NRG2: variants seen among roughly 807,000 people sequenced by gnomAD.
NRG2 encodes the protein neuregulin 2.
A neutral mutation model predicts 73.9 loss-of-function variants in NRG2; 27 were observed. The observed-to-expected ratio is 0.37, with a 90% CI of 0.27 to 0.50. The LOEUF is 0.50. Ranked by LOEUF, NRG2 falls within the 20% of genes least tolerant of loss-of-function variation. NRG2 has a pLI of 0.96. For synonymous variants in NRG2, 532 were observed against 541.0 expected, an observed-to-expected ratio of 0.98 and a Z score of 0.23; for missense variants, 1,126 against 1,210.1, an observed-to-expected ratio of 0.93 and a Z score of 1.03.
At chr5:139,860,607 C>T (rs2127032102) in intron 5 of NRG2, among the ~76,000 whole-genome samples, 1 of 152,236 alleles carries the variant, frequency 6.6e-6, no homozygotes, top group African/African-American at 2.4e-5. Flanking sequence ...GGTGCCTGAG[C>T]CTGATTTCAC....
chr5:139,936,733 T>A (rs962524729), intron 1 of NRG2, among the ~76,000 whole-genome samples: 6 of 152,188 alleles, frequency 3.9e-5, no homozygotes, highest in Non-Finnish European at 8.8e-5. Context: ...ATATTCCTCA[T>A]GAATTCCTCA....
intron 1 of NRG2, among the ~76,000 whole-genome samples, chr5:139,990,180 T>C (rs1297326065): frequency 6.6e-6 from 1 of 152,176 alleles, no homozygotes; most frequent in Non-Finnish European, 1.5e-5. Context: ...GTTGGATATA[T>C]ATCTAGGCAT....
At chr5:140,010,502 A>G (rs1759277490) in intron 1 of NRG2, among the ~76,000 whole-genome samples, 1 of 152,144 alleles carries the variant, frequency 6.6e-6, no homozygotes, top group Admixed American at 6.5e-5. Flanking sequence ...AACAACAACA[A>G]TTGATAATTG....
At chr5:140,006,184 T>A (rs889384218) in intron 1 of NRG2, among the ~76,000 whole-genome samples, 1 of 152,236 alleles carries the variant, frequency 6.6e-6, no homozygotes, top group Non-Finnish European at 1.5e-5. Context: ...TCAGTACATG[T>A]TCTGCCCAGC....
intron 1 of NRG2, among the ~76,000 whole-genome samples, chr5:139,953,309 G>C (rs992518895): frequency 6.6e-6 from 1 of 152,196 alleles, no homozygotes; most frequent in African/African-American, 2.4e-5. Flanking sequence ...CTGGGGAAGG[G>C]GGTCCTGAGT....
chr5:140,034,867 C>T (rs1455040240), intron 1 of NRG2, among the ~76,000 whole-genome samples: 1 of 152,116 alleles, frequency 6.6e-6, no homozygotes, highest in East Asian at 1.9e-4. Context: ...TAACCTAAGC[C>T]TTCAAATACT....
chr5:139,904,189 G>C lies in NRG2; in HGVS notation c.701-16678C>G, dbSNP rs1424801063. ...GCAGGCACGCGCGCCCTCGGTGCCT[G>C]TCACCGCGGCGGCCGCTAGCGCAGC... is the stretch of plus-strand genomic sequence containing the variant. On this transcript the variant is annotated intron_variant, in intron 1 of 9. Transcript: ENST00000361474. The surrounding 1 kb of genome is among the most constrained non-coding windows in gnomAD (Gnocchi z 6.0). 3.0e-5 allele frequency: 33 copies of C among 1,090,028 alleles called. No individual in the cohort carries two copies. The highest frequency in any genetic ancestry group is 3.2e-5 in the East Asian group (1 of 31,022). The allele number at this position is 1,090,028 out of a possible 1,614,324, so 67.5% of individuals were successfully genotyped here. A position where few individuals can be genotyped will look rare whatever the true frequency, so the allele number is the denominator to read the frequency against.
At chr5:139,917,254 T>C (rs73271463) in intron 1 of NRG2, among the ~76,000 whole-genome samples, 1 of 151,976 alleles carries the variant, frequency 6.6e-6, no homozygotes, top group Non-Finnish European at 1.5e-5. Context: ...TTTTGTTTCA[T>C]TTTTTTTGTT....
chr5:139,996,085 G>A (rs907657214), intron 1 of NRG2, among the ~76,000 whole-genome samples: 1 of 152,126 alleles, frequency 6.6e-6, no homozygotes, highest in Non-Finnish European at 1.5e-5. Context: ...ATCCTCAAAT[G>A]AATAAGCACA....
intron 1 of NRG2, among the ~76,000 whole-genome samples, chr5:139,931,970 A>G (rs889786240): frequency 6.6e-6 from 1 of 152,242 alleles, no homozygotes; most frequent in Non-Finnish European, 1.5e-5. Flanking sequence ...GAAGGGAACC[A>G]TTGTACAAAG....
intron 1 of NRG2, among the ~76,000 whole-genome samples, chr5:140,001,530 T>A (rs76494843): frequency 2.1e-4 from 32 of 152,248 alleles, no homozygotes; most frequent in East Asian, 1.5e-3. Context: ...TACAAATAAT[T>A]ATTGAGTACC....
chr5:139,976,717 C>A (rs1756408390), intron 1 of NRG2, among the ~76,000 whole-genome samples: 1 of 152,356 alleles, frequency 6.6e-6, no homozygotes, highest in African/African-American at 2.4e-5. Context: ...AAAACACCAC[C>A]AGTTTCCTGA....
At chr5:139,928,767 C>G (rs1039715473) in intron 1 of NRG2, among the ~76,000 whole-genome samples, 1 of 152,202 alleles carries the variant, frequency 6.6e-6, no homozygotes, top group Admixed American at 6.5e-5. Context: ...TCCTCTGGCT[C>G]TTGACTTTCT....
rs373446102 is a variant in NRG2, at chr5:139,865,003, C to A, written c.1189+546G>T. On this transcript the variant is annotated intron_variant, in intron 5 of 9. Transcript: ENST00000361474. This position sits in a 1 kb window ranked among gnomAD's most constrained non-coding sequence, Gnocchi z 5.2. ...GGGTGTTTCCGTCTCCTCTAAGGAGCGCAGGACACCCTCTACATCTCCCCC... is the reference window on the plus strand; with the variant it reads ...GGGTGTTTCCGTCTCCTCTAAGGAGAGCAGGACACCCTCTACATCTCCCCC... 4.4e-6 allele frequency: 4 copies of A among 915,708 alleles called. No homozygotes were observed. In the African/African-American group the frequency reaches 6.5e-5, roughly 15 times the overall value. The allele number at this position is 915,708 out of a possible 1,614,324, so 56.7% of individuals were successfully genotyped here. A position where few individuals can be genotyped will look rare whatever the true frequency, so the allele number is the denominator to read the frequency against.
At chr5:139,919,383 G>T (rs1751499406) in intron 1 of NRG2, among the ~76,000 whole-genome samples, 1 of 152,052 alleles carries the variant, frequency 6.6e-6, no homozygotes, top group African/African-American at 2.4e-5. Flanking sequence ...AGAGGAGGTG[G>T]CAAGATGAGA....
Position 139,947,460 on chromosome 5 carries a change from T to C in NRG2, c.701-59949A>G, listed in dbSNP as rs1055489714. On this transcript the variant is annotated intron_variant, in intron 1 of 9. Coordinates refer to ENST00000361474, the MANE Select transcript of NRG2 (RefSeq NM_004883.3). ...AATATTCTATTGTGGATATACCACA[T>C]TTTATTAATCCAACCAACAGTTGAT... Among the ~76,000 whole-genome samples the C allele has an allele frequency of 3.9e-5, 6 of 152,360 alleles. No homozygotes were observed. The East Asian group carries it at 1.2e-3, about 29-fold the overall frequency.
At chr5:139,864,701 G>A (rs1762369352) in intron 5 of NRG2, among the ~76,000 whole-genome samples, 1 of 151,644 alleles carries the variant, frequency 6.6e-6, no homozygotes, top group Admixed American at 6.6e-5. Flanking sequence ...AACAAACTCT[G>A]GCCAGACTGG....
rs962761868 is a variant in NRG2 at position 139,856,442 on chromosome 5, C to T, written c.1190-664G>A. 1 of 152,978 alleles carries T rather than the reference C, an allele frequency of 6.5e-6. No homozygotes were observed. The highest frequency in any genetic ancestry group is 2.4e-5 in the African/African-American group (1 of 41,460). 9.5% of individuals were successfully genotyped at this position (152,978 alleles called of 1,614,324 possible). ...CCAAAGGCCGACTGTCCTCTTTACCCTCTGCTGCTGCTGCTGGGGCAACCC... is the reference window on the plus strand; with the variant it reads ...CCAAAGGCCGACTGTCCTCTTTACCTTCTGCTGCTGCTGCTGGGGCAACCC... On this transcript the variant is annotated intron_variant, in intron 5 of 9. Transcript: ENST00000361474. This position sits in a 1 kb window ranked among gnomAD's most constrained non-coding sequence, Gnocchi z 4.2.
At chr5:139,933,913 G>A (rs958662058) in intron 1 of NRG2, among the ~76,000 whole-genome samples, 2 of 152,184 alleles carry the variant, frequency 1.3e-5, no homozygotes, top group Non-Finnish European at 2.9e-5. Context: ...AATGAATTAA[G>A]AGAGACTGGG....
Sources: allele counts gnomAD v4.1 joint callset (sites outside exome capture counted in the v4.1 genomes callset), GRCh38; gene constraint gnomAD v4.1.1; non-coding constraint Gnocchi (gnomAD v3.1); transcripts MANE v1.5; gene names NCBI Gene and HGNC (gene_info 2026-07-23, HGNC 2026-07-21).